ZNF704: variants seen among roughly 807,000 people sequenced by gnomAD.
The protein encoded by ZNF704 is zinc finger protein 704.
ZNF704 carries 10 observed loss-of-function variants against 44.7 expected under a neutral mutation model. The ratio of observed to expected loss-of-function variants is 0.22; its 90% CI spans 0.14 to 0.38. ZNF704 has a LOEUF of 0.38. ZNF704 is among the 10% of genes least tolerant of loss of function. The pLI, the probability that ZNF704 is intolerant of heterozygous loss-of-function variation, is 1.00. For synonymous variants in ZNF704, 211 were observed against 207.6 expected (o/e 1.02, Z -0.14); for missense variants, 390 against 545.5 (o/e 0.71, Z 2.84).
intron 1 of ZNF704, among the ~76,000 whole-genome samples, chr8:80,841,744 G>A (rs1413173312): frequency 6.6e-6 from 1 of 152,172 alleles, no homozygotes; most frequent in Non-Finnish European, 1.5e-5. Context: ...CAAATGACTA[G>A]GAACAATGCC....
intron 2 of ZNF704, among the ~76,000 whole-genome samples, chr8:80,769,643 C>T (rs948739758): frequency 3.3e-5 from 5 of 152,180 alleles, no homozygotes; most frequent in African/African-American, 7.2e-5. Flanking sequence ...CCATCTGAGA[C>T]CACCTCAGCC....
intron 2 of ZNF704, among the ~76,000 whole-genome samples, chr8:80,706,277 G>C (rs1299625026): frequency 1.3e-5 from 2 of 151,948 alleles, no homozygotes; most frequent in Admixed American, 1.3e-4. Context: ...ATTTCATGAG[G>C]GCAATTAGGA....
chr8:80,738,015 T>C (rs968793569), intron 2 of ZNF704, among the ~76,000 whole-genome samples: 2 of 152,200 alleles, frequency 1.3e-5, no homozygotes, highest in Non-Finnish European at 2.9e-5. Flanking sequence ...TTGACCTTGA[T>C]AGTTTTGAGG....
chr8:80,881,390 A>G, the ZNF704 span, among the ~76,000 whole-genome samples: 1 of 152,256 alleles, frequency 6.6e-6, no homozygotes, highest in Non-Finnish European at 1.5e-5. Flanking sequence ...GGACTCATGT[A>G]TTTTTAAGTG....
intron 1 of ZNF704, among the ~76,000 whole-genome samples, chr8:80,825,642 T>C (rs1365954696): frequency 2.6e-5 from 4 of 152,172 alleles, no homozygotes; most frequent in Non-Finnish European, 5.9e-5. Context: ...AGCACCACAC[T>C]GCACTTATTC....
At position 80,665,660 on chromosome 8, in the gene ZNF704, C is replaced by T. The variant is rs374998617; in HGVS notation, c.660-578G>A. ...GCCATGTAACAAAACTGCACTTGTA[C>T]CCCCCCATTCAACCTCTGAAAACAG... On this transcript the variant is annotated intron_variant, in intron 5 of 8. Coordinates refer to ENST00000327835, the MANE Select transcript of ZNF704 (RefSeq NM_001033723.3). 1.8e-4 allele frequency among the ~76,000 whole-genome samples: 27 copies of T among 151,790 alleles called. No individual in the cohort carries two copies. In the South Asian group the frequency reaches 3.1e-3, roughly 18 times the overall value.
intron 2 of ZNF704, among the ~76,000 whole-genome samples, chr8:80,745,583 T>C (rs1333110006): frequency 1.3e-5 from 2 of 152,230 alleles, no homozygotes; most frequent in Admixed American, 6.5e-5. Flanking sequence ...TACCTTAAAC[T>C]TGTAAATAAT....
At chr8:80,758,267 C>T (rs1051846007) in intron 2 of ZNF704, among the ~76,000 whole-genome samples, 1 of 152,204 alleles carries the variant, frequency 6.6e-6, no homozygotes, top group African/African-American at 2.4e-5. Flanking sequence ...GCATTAAAAG[C>T]TGGCTCTCAA....
chr8:80,820,638 G>A (rs1048630250), intron 2 of ZNF704, among the ~76,000 whole-genome samples: 5 of 152,046 alleles, frequency 3.3e-5, no homozygotes, highest in African/African-American at 1.2e-4. Context: ...AGTAACTCAT[G>A]CCTGTAATCT....
At chr8:80,645,216 C>A (rs1279940713) in intron 7 of ZNF704, 2 of 1,546,450 alleles carry the variant, frequency 1.3e-6, no homozygotes, top group Non-Finnish European at 1.8e-6. Context: ...CGCCAACCTC[C>A]CGGAAAAAGA....
chr8:80,707,597 CTT>C lies in ZNF704; in HGVS notation c.222-14492_222-14491del, dbSNP rs1258242213. Among the ~76,000 whole-genome samples, 7 of 152,308 alleles carry C rather than the reference CTT, an allele frequency of 4.6e-5. No homozygotes were observed. In the East Asian group the frequency reaches 1.2e-3, roughly 25 times the overall value. ...TATGAAATTGTGAGTCTTCATTAAT[CTT>C]TTTGTCTATAAAAATGGCAATTTCA... On this transcript the variant is annotated intron_variant, in intron 2 of 8. Transcript: ENST00000327835.
intron 2 of ZNF704, among the ~76,000 whole-genome samples, chr8:80,795,156 T>C (rs1807777209): frequency 6.6e-6 from 1 of 152,100 alleles, no homozygotes; most frequent in African/African-American, 2.4e-5. Flanking sequence ...AGAGACTCAG[T>C]GGGACAGACA....
chr8:80,860,741 T>C (rs934267887), intron 1 of ZNF704, among the ~76,000 whole-genome samples: 4 of 152,210 alleles, frequency 2.6e-5, no homozygotes, highest in Non-Finnish European at 5.9e-5. Context: ...TGCATGTACA[T>C]ACTGAATTCT....
At chr8:80,858,518 G>A (rs1013750813) in intron 1 of ZNF704, among the ~76,000 whole-genome samples, 1 of 152,020 alleles carries the variant, frequency 6.6e-6, no homozygotes, top group Admixed American at 6.6e-5. Context: ...AATCACTTGA[G>A]GTCAGGAGTT....
At chr8:80,763,907 T>C (rs1807175522) in intron 2 of ZNF704, among the ~76,000 whole-genome samples, 1 of 152,204 alleles carries the variant, frequency 6.6e-6, no homozygotes, top group African/African-American at 2.4e-5. Flanking sequence ...GCTGCCAGTA[T>C]TTTTGTTAAA....
At chr8:80,728,473 T>C (rs777192300) in intron 2 of ZNF704, among the ~76,000 whole-genome samples, 2 of 152,158 alleles carry the variant, frequency 1.3e-5, no homozygotes, top group Admixed American at 6.5e-5. Context: ...GCATTAGACA[T>C]GCAATTTTGT....
chr8:80,693,157 G>A lies in ZNF704; in HGVS notation c.222-50C>T, dbSNP rs368514058. The A allele has an allele frequency of 8.5e-5, 129 of 1,517,806 alleles. No individual in the cohort carries two copies. The African/African-American group carries it at 9.4e-4, about 11-fold the overall frequency. 94.0% of individuals were successfully genotyped at this position (1,517,806 alleles called of 1,614,324 possible). A position where few individuals can be genotyped will look rare whatever the true frequency, so the allele number is the denominator to read the frequency against. ...TGACTGTTCACTCTGCATCTGCTGT[G>A]GGCCACACAAGGTGTGACACGCTGT... On this transcript the variant is annotated intron_variant, in intron 2 of 8. Transcript: ENST00000327835.
At chr8:80,784,340 CAAACTGTCTTCCAA>C (rs1479967360) in intron 2 of ZNF704, among the ~76,000 whole-genome samples, 1 of 152,176 alleles carries the variant, frequency 6.6e-6, no homozygotes, top group African/African-American at 2.4e-5. Flanking sequence ...AAGAAACTGC[CAAACTGTCTTCCAA>C]AGTGACTGTA....
At chr8:80,759,077 C>A (rs1397140444) in intron 2 of ZNF704, among the ~76,000 whole-genome samples, 5 of 152,158 alleles carry the variant, frequency 3.3e-5, no homozygotes, top group African/African-American at 1.2e-4. Flanking sequence ...ATTTAAAAAA[C>A]ATTCATCCAT....
Sources: gnomAD v4.1 joint callset for allele counts (sites outside exome capture counted in the v4.1 genomes callset) on GRCh38, gnomAD v4.1.1 for gene constraint, MANE v1.5 for transcripts, NCBI Gene and HGNC (gene_info 2026-07-23, HGNC 2026-07-21) for gene names.